The following NPTN variants were observed in gnomAD, a reference collection of about 807,000 sequenced individuals.
NPTN encodes SDR-1.
NPTN carries 5 observed loss-of-function variants against 42.7 expected under a neutral mutation model. The ratio of observed to expected loss-of-function variants is 0.12; its 90% CI spans 0.06 to 0.25. NPTN has a LOEUF of 0.25. Among genes scored for constraint, NPTN ranks in the 10% least tolerant of loss-of-function variants. The probability of loss-of-function intolerance (pLI) is 1.00; values close to 1 mark genes in which losing one functional copy is unlikely to be tolerated. For missense variants in NPTN, 307 were observed against 525.4 expected (o/e 0.58, Z 4.06); for synonymous variants, 180 against 201.9 (o/e 0.89, Z 0.92).
intron 1 of NPTN, among the ~76,000 whole-genome samples, chr15:73,617,952 C>T (rs767070419): frequency 3.3e-5 from 5 of 152,156 alleles, no homozygotes; most frequent in Non-Finnish European, 7.3e-5. Context: ...TCTGACTACC[C>T]CTAGCACCAC....
chr15:73,623,850 C>T, intron 1 of NPTN, among the ~76,000 whole-genome samples: 1 of 148,206 alleles, frequency 6.7e-6, no homozygotes, highest in East Asian at 1.9e-4. Context: ...GCTCTTTGTC[C>T]TACTTATAAT....
intron 6 of NPTN, chr15:73,565,877 C>T: frequency 4.4e-6 from 2 of 450,986 alleles, no homozygotes; most frequent in African/African-American, 4.0e-5. Flanking sequence ...AGAAGGGGTG[C>T]TCTGCAATGT....
chr15:73,633,087 T>G, intron 1 of NPTN, 38 bp downstream of exon 1: 2 of 1,329,798 alleles, frequency 1.5e-6, no homozygotes, highest in Non-Finnish European at 2.0e-6. Context: ...CCGGCGCCCC[T>G]CAACCCCCGC....
At position 73,611,324 on chromosome 15, in the gene NPTN, G is replaced by A. The variant is rs543780380; in HGVS notation, c.92-13955C>T. Among the ~76,000 whole-genome samples, 7 of 151,990 alleles carry A rather than the reference G, an allele frequency of 4.6e-5. No individual in the cohort carries two copies. The South Asian group carries it at 1.5e-3, about 32-fold the overall frequency. On this transcript the variant is annotated intron_variant, in intron 1 of 8. Coordinates refer to ENST00000345330, the MANE Select transcript of NPTN (RefSeq NM_012428.4). The stretch of plus-strand genomic sequence containing the variant: ...TTGTGGAATTTAGTATGCCAATCTC[G>A]AAACAGACTATCAAGAACATTTTCT...
intron 6 of NPTN, among the ~76,000 whole-genome samples, chr15:73,566,070 C>G (rs995908258): frequency 5.9e-5 from 9 of 152,264 alleles, no homozygotes; most frequent in Middle Eastern, 3.4e-3. Flanking sequence ...GCATTAAACC[C>G]AAGAGAGACT....
At position 73,582,888 on chromosome 15, in the gene NPTN, T is replaced by C. The variant is rs139221405; in HGVS notation, c.706+4636A>G. 3.2e-3 allele frequency among the ~76,000 whole-genome samples: 494 copies of C among 152,310 alleles called. 2 individuals are homozygous for C. The highest frequency in any genetic ancestry group is 0.011 in the African/African-American group (472 of 41,570). The stretch of plus-strand genomic sequence containing the variant: ...ACATCCTTCTCCCGTGCTGGATGCT[T>C]CCTGCCCTCAAACATCGGACTCCAA... On this transcript the variant is annotated intron_variant, in intron 4 of 8. Coordinates refer to ENST00000345330, the MANE Select transcript of NPTN (RefSeq NM_012428.4).
At chr15:73,623,329 C>T (rs1248830478) in intron 1 of NPTN, among the ~76,000 whole-genome samples, 1 of 152,140 alleles carries the variant, frequency 6.6e-6, no homozygotes, top group Non-Finnish European at 1.5e-5. Flanking sequence ...GTTAATCTAC[C>T]ATTTTACTTG....
chr15:73,601,860 G>T (rs1897098018), intron 1 of NPTN, among the ~76,000 whole-genome samples: 1 of 152,142 alleles, frequency 6.6e-6, no homozygotes, highest in Non-Finnish European at 1.5e-5. Context: ...TGCTGGAGGG[G>T]GTAGCAGGCA....
chr15:73,590,559 C>T (rs371472408), intron 3 of NPTN, among the ~76,000 whole-genome samples: 54 of 145,574 alleles, frequency 3.7e-4, no homozygotes, highest in African/African-American at 1.3e-3. Flanking sequence ...CTCAGGAGTT[C>T]AAGACCAGCC....
rs558367636 is a variant in NPTN, at chr15:73,584,409, A to AAAGG, written c.706+3111_706+3114dup. ...GCACTTTTTAAAAAAAAATTTTAGA[A>AAAGG]AAGGAAGGAAGGAGAAGAGGGAAGG... On this transcript the variant is annotated intron_variant, in intron 4 of 8. Transcript: ENST00000345330. 5.0e-3 allele frequency among the ~76,000 whole-genome samples: 768 copies of AAAGG among 152,242 alleles called. 3 individuals carry two copies. The highest frequency in any genetic ancestry group is 5.8e-3 in the Admixed American group (88 of 15,296).
At chr15:73,610,238 C>T (rs1897509966) in intron 1 of NPTN, among the ~76,000 whole-genome samples, 1 of 152,088 alleles carries the variant, frequency 6.6e-6, no homozygotes, top group African/African-American at 2.4e-5. Flanking sequence ...AGGTGTGTGC[C>T]ACCCCACCCA....
intron 1 of NPTN, among the ~76,000 whole-genome samples, chr15:73,605,380 AAAAAAAAATCTTAC>A (rs1444826160): frequency 6.6e-6 from 1 of 152,042 alleles, no homozygotes; most frequent in East Asian, 1.9e-4. Flanking sequence ...TCTGGTTAAA[AAAAAAAAATCTTAC>A]AAAAATAGAA....
rs188151601 is a variant in NPTN, at chr15:73,618,991, C to T, written c.91+14134G>A. Among the ~76,000 whole-genome samples the T allele has an allele frequency of 3.5e-3, 521 of 148,122 alleles. 3 individuals carry two copies. Among genetic ancestry groups the T allele is most frequent in the African/African-American group, 0.012 (467 of 39,882 alleles). On this transcript the variant is annotated intron_variant, in intron 1 of 8. Coordinates refer to ENST00000345330, the MANE Select transcript of NPTN (RefSeq NM_012428.4). ...GGACGATTGCTTGAGCCTGGGAAGT[C>T]GAGGCTGCAGTGAGCTATGATCATA... is the stretch of plus-strand genomic sequence containing the variant.
At chr15:73,592,418 C>T (rs1452083542) in intron 2 of NPTN, among the ~76,000 whole-genome samples, 12 of 152,138 alleles carry the variant, frequency 7.9e-5, no homozygotes, top group South Asian at 2.1e-4. Context: ...AATCCACTTA[C>T]GTTTTTGAAT....
intron 1 of NPTN, among the ~76,000 whole-genome samples, chr15:73,620,167 A>G (rs911812834): frequency 3.3e-5 from 5 of 152,232 alleles, no homozygotes; most frequent in African/African-American, 1.2e-4. Flanking sequence ...TTTTCAAAGC[A>G]TGTATTCTCT....
chr15:73,564,864 T>C (rs1401286599), intron 6 of NPTN, among the ~76,000 whole-genome samples: 2 of 152,160 alleles, frequency 1.3e-5, no homozygotes, highest in African/African-American at 4.8e-5. Flanking sequence ...AAAATTCTAA[T>C]GCAAGAGAGC....
rs149748667 is a variant in NPTN at position 73,629,141 on chromosome 15, G to C, written c.91+3984C>G. 6.8e-3 allele frequency among the ~76,000 whole-genome samples: 1,032 copies of C among 152,250 alleles called. 18 individuals carry two copies. Among genetic ancestry groups the C allele is most frequent in the African/African-American group, 0.024 (984 of 41,530 alleles). ...GGAATGGGTCCTGATGTAGTAACAT[G>C]GCCTATCCTCCCAGACCGAACCAAT... On this transcript the variant is annotated intron_variant, in intron 1 of 8. Transcript: ENST00000345330.
At chr15:73,629,951 G>C (rs1898646266) in intron 1 of NPTN, among the ~76,000 whole-genome samples, 1 of 152,174 alleles carries the variant, frequency 6.6e-6, no homozygotes, top group South Asian at 2.1e-4. Context: ...TCACTTTTCT[G>C]AGAAAGTTAC....
intron 7 of NPTN, 73 bp downstream of exon 7, chr15:73,563,163 C>T (rs1280533063): frequency 9.4e-7 from 1 of 1,066,586 alleles, no homozygotes; most frequent in African/African-American, 1.6e-5. Flanking sequence ...CTTAGCTACT[C>T]CATTTGATTA....
Sources: gnomAD v4.1 joint callset for allele counts (sites outside exome capture counted in the v4.1 genomes callset) on GRCh38, gnomAD v4.1.1 for gene constraint, MANE v1.5 for transcripts, NCBI Gene and HGNC (gene_info 2026-07-23, HGNC 2026-07-21) for gene names.